Variants in ETFA observed in about 807,000 individuals in gnomAD.
ETFA encodes electron transfer flavoprotein subunit alpha, mitochondrial.
In ETFA, 22 loss-of-function variants were observed where a neutral mutation model predicts 46.2. The observed-to-expected ratio is 0.48, with a 90% CI of 0.34 to 0.68. ETFA has a LOEUF of 0.68. Among genes scored for constraint, ETFA ranks in the 30% least tolerant of loss-of-function variants. The pLI is 0.01. For synonymous variants in ETFA, 131 were observed against 139.9 expected (o/e 0.94, Z 0.45); for missense variants, 345 against 401.1 (o/e 0.86, Z 1.19).
intron 9 of ETFA, among the ~76,000 whole-genome samples, chr15:76,249,970 C>T (rs947554987): frequency 1.3e-5 from 2 of 152,136 alleles, no homozygotes; most frequent in African/African-American, 2.4e-5. Flanking sequence ...AGATTCTCTA[C>T]AATTAGCAAT....
chr15:76,235,723 T>A (rs1008848477), intron 9 of ETFA, among the ~76,000 whole-genome samples: 4 of 151,976 alleles, frequency 2.6e-5, no homozygotes, highest in African/African-American at 9.7e-5. Flanking sequence ...GGAAAAGAGG[T>A]GTGATAGAGC....
chr15:76,234,734 A>T (rs2039106147), intron 9 of ETFA, among the ~76,000 whole-genome samples: 1 of 152,200 alleles, frequency 6.6e-6, no homozygotes, highest in African/African-American at 2.4e-5. Context: ...GATGCCAAGA[A>T]TAGGGGCTGT....
At chr15:76,306,324 T>C (rs1273295637) in intron 1 of ETFA, among the ~76,000 whole-genome samples, 1 of 139,714 alleles carries the variant, frequency 7.2e-6, no homozygotes, top group Non-Finnish European at 1.5e-5. Context: ...TGCAGTGCAG[T>C]GGCGCGATCT....
chr15:76,311,381 C>A lies in ETFA; in HGVS notation c.8G>T (p.Arg3Leu). 1 of 1,564,178 alleles carries A rather than the reference C, an allele frequency of 6.4e-7. No homozygotes were observed. Among genetic ancestry groups the A allele is most frequent in the South Asian group, 1.2e-5 (1 of 85,138 alleles). Residue 3 changes from arginine to leucine, a missense_variant, in exon 1 of 12, where the codon CGA (arginine) becomes CTA (leucine). Transcript: ENST00000557943. MF[R>L]AAAPGQLRRA... ...CCGGAGCTGCCCCGGAGCCGCCGCT[C>A]GGAACATGGTCTCCGCTTCCGCCGC...
intron 2 of ETFA, among the ~76,000 whole-genome samples, 159 bp from the exon 3 acceptor site, chr15:76,292,859 C>T (rs375645861): frequency 4.6e-5 from 7 of 152,130 alleles, no homozygotes; most frequent in Admixed American, 2.6e-4. Context: ...ATATTCCGGC[C>T]GGGCGCAGTG....
chr15:76,254,593 T>G (rs1393756790), intron 9 of ETFA, among the ~76,000 whole-genome samples: 1 of 152,174 alleles, frequency 6.6e-6, no homozygotes, highest in African/African-American at 2.4e-5. Context: ...TTCTGCAAAG[T>G]CAAACCTATT....
intron 11 of ETFA, among the ~76,000 whole-genome samples, chr15:76,218,442 T>C (rs963292321): frequency 5.3e-5 from 8 of 152,170 alleles, no homozygotes; most frequent in African/African-American, 1.9e-4. Flanking sequence ...TAATTTTTTT[T>C]GTATTTTTAG....
intron 9 of ETFA, among the ~76,000 whole-genome samples, chr15:76,234,672 G>A (rs1246502472): frequency 6.6e-6 from 1 of 152,156 alleles, no homozygotes; most frequent in African/African-American, 2.4e-5. Flanking sequence ...GAATTTAGAA[G>A]AGAATGGATC....
At chr15:76,304,077 GT>G (rs756641686) in intron 1 of ETFA, among the ~76,000 whole-genome samples, 1 of 152,134 alleles carries the variant, frequency 6.6e-6, no homozygotes, top group Non-Finnish European at 1.5e-5. Context: ...AGAAAATGTG[GT>G]ATATATACAC....
chr15:76,225,706 G>A (rs2038997359), intron 11 of ETFA, 143 bp downstream of exon 11: 4 of 712,228 alleles, frequency 5.6e-6, no homozygotes, highest in South Asian at 3.1e-5. Context: ...GGTCAAAATT[G>A]TGTACATATA....
chr15:76,274,638 C>T, intron 8 of ETFA, 144 bp from the exon 9 acceptor site: 1 of 714,836 alleles, frequency 1.4e-6, no homozygotes, highest in Non-Finnish European at 2.5e-6. Flanking sequence ...GGAATAACTT[C>T]TTTTTATACC....
At chr15:76,235,079 C>A (rs998768754) in intron 9 of ETFA, among the ~76,000 whole-genome samples, 4 of 152,166 alleles carry the variant, frequency 2.6e-5, no homozygotes, top group Non-Finnish European at 5.9e-5. Flanking sequence ...AGCTGCATGA[C>A]CATGGGCCAT....
intron 9 of ETFA, among the ~76,000 whole-genome samples, chr15:76,234,945 G>A (rs1422751178): frequency 6.6e-6 from 1 of 152,152 alleles, no homozygotes; most frequent in African/African-American, 2.4e-5. Flanking sequence ...AGATAGAAAG[G>A]GCAGCAGGAC....
chr15:76,230,451 C>G (rs536138936), intron 10 of ETFA: 1 of 18,418 alleles, frequency 5.4e-5, no homozygotes, highest in Non-Finnish European at 1.3e-4. Context: ...TGGTCTCGAT[C>G]TCCTGACCTC....
At chr15:76,276,316 A>G (rs373411025) in intron 8 of ETFA, among the ~76,000 whole-genome samples, 61 of 152,114 alleles carry the variant, frequency 4.0e-4, no homozygotes, top group African/African-American at 1.4e-3. Context: ...GATCAGATCT[A>G]ATTATTATCT....
intron 1 of ETFA, among the ~76,000 whole-genome samples, 196 bp from the exon 2 acceptor site, chr15:76,295,933 A>ATTTTTTTTTTTTTTTT (rs1555459250): frequency 8.5e-5 from 5 of 58,510 alleles, no homozygotes; most frequent in Admixed American, 2.3e-4. Flanking sequence ...TACCACTAAT[A>ATTTTTTTTTTTTTTTT]TTCTTTTTTT....
intron 4 of ETFA, among the ~76,000 whole-genome samples, chr15:76,288,405 T>A (rs1462922829): frequency 6.6e-6 from 1 of 151,976 alleles, no homozygotes; most frequent in African/African-American, 2.4e-5. Flanking sequence ...TTGTTTAAAT[T>A]GATATTGTAT....
rs1311896210 is a variant in ETFA at position 76,305,447 on chromosome 15, TA to T, written c.39+5902del. On this transcript the variant is annotated intron_variant, in intron 1 of 11. Transcript: ENST00000557943. ...TCAACTAAACATGTATAAGGGTAAC[TA>T]AACAGTACATAAACTGTTACATCAC... Among the ~76,000 whole-genome samples, 4 of 152,366 alleles carry T rather than the reference TA, an allele frequency of 2.6e-5. 1 individual carries two copies. In the South Asian group the frequency reaches 6.2e-4, roughly 24 times the overall value.
At chr15:76,304,800 T>C (rs935004336) in intron 1 of ETFA, among the ~76,000 whole-genome samples, 6 of 152,078 alleles carry the variant, frequency 3.9e-5, no homozygotes, top group African/African-American at 1.4e-4. Context: ...ATCCCAGCAC[T>C]TTGGGAGGCC....
Sources: allele counts gnomAD v4.1 joint callset (sites outside exome capture counted in the v4.1 genomes callset), GRCh38; gene constraint gnomAD v4.1.1; transcripts MANE v1.5; gene names NCBI Gene and HGNC (gene_info 2026-07-23, HGNC 2026-07-21).